Variants in NPAS3 observed in about 807,000 individuals in gnomAD.
The protein encoded by NPAS3 is neuronal PAS domain-containing protein 3.
NPAS3 carries 14 observed loss-of-function variants against 73.1 expected under a neutral mutation model. The ratio of observed to expected loss-of-function variants is 0.19; its 90% CI spans 0.13 to 0.30. The LOEUF is 0.30. Ranked by LOEUF, NPAS3 falls within the 10% of genes least tolerant of loss-of-function variation. The pLI is 1.00. For synonymous variants in NPAS3, 620 were observed against 541.5 expected, an observed-to-expected ratio of 1.14 and a Z score of -2.01; for missense variants, 1,096 against 1,250.0, an observed-to-expected ratio of 0.88 and a Z score of 1.86.
intron 4 of NPAS3, among the ~76,000 whole-genome samples, chr14:33,481,004 C>T (rs2051300624): frequency 6.6e-6 from 1 of 151,946 alleles, no homozygotes; most frequent in African/African-American, 2.4e-5. Flanking sequence ...CTCATGCGTC[C>T]CCGTTTATCA....
chr14:33,116,961 GT>G (rs2043084863), intron 2 of NPAS3, among the ~76,000 whole-genome samples: 1 of 152,028 alleles, frequency 6.6e-6, no homozygotes, highest in Non-Finnish European at 1.5e-5. Flanking sequence ...TTTTTAGAAG[GT>G]TTTAATAGGC....
At chr14:33,537,495 A>G (rs1239699142) in intron 4 of NPAS3, among the ~76,000 whole-genome samples, 2 of 152,186 alleles carry the variant, frequency 1.3e-5, no homozygotes, top group Non-Finnish European at 2.9e-5. Flanking sequence ...TCATAGATTA[A>G]TGGACGTTAA....
At chr14:33,403,537 A>G (rs996064314) in intron 4 of NPAS3, among the ~76,000 whole-genome samples, 3 of 152,120 alleles carry the variant, frequency 2.0e-5, no homozygotes, top group African/African-American at 7.2e-5. Flanking sequence ...AGCTTTACCT[A>G]AAGCCACATA....
intron 1 of NPAS3, among the ~76,000 whole-genome samples, chr14:32,994,578 TAA>T (rs531429504): frequency 1.7e-4 from 24 of 144,296 alleles, no homozygotes; most frequent in Non-Finnish European, 3.0e-5. Context: ...GAACTTAAAT[TAA>T]AAAAAAAAAT....
At chr14:33,704,295 CTT>C (rs2060600886) in intron 6 of NPAS3, among the ~76,000 whole-genome samples, 1 of 152,238 alleles carries the variant, frequency 6.6e-6, no homozygotes, top group African/African-American at 2.4e-5. Flanking sequence ...CTGCAGATTA[CTT>C]TTTTAAGTTC....
In NPAS3 at chr14:33,293,353, T is replaced by C. The variant is rs577968627; in HGVS notation, c.386-73833T>C. Among the ~76,000 whole-genome samples, 6 of 152,332 alleles carry C rather than the reference T, an allele frequency of 3.9e-5. No individual in the cohort carries two copies. The East Asian group carries it at 1.2e-3, about 29-fold the overall frequency. ...GTAGAGGTGTAAGATCCATACCTTC[T>C]CTGCCCTGCCCCTTTTCTCAATAAA... On this transcript the variant is annotated intron_variant, in intron 3 of 11. Coordinates refer to ENST00000356141, the Ensembl canonical transcript of NPAS3.
chr14:32,973,676 C>T (rs2037533411), intron 1 of NPAS3, among the ~76,000 whole-genome samples: 1 of 151,802 alleles, frequency 6.6e-6, no homozygotes, highest in Non-Finnish European at 1.5e-5. Context: ...GCTGGGATTA[C>T]AGGTGCATGC....
At chr14:33,248,173 A>G (rs1367068705) in intron 3 of NPAS3, among the ~76,000 whole-genome samples, 6 of 152,244 alleles carry the variant, frequency 3.9e-5, no homozygotes, top group African/African-American at 1.4e-4. Context: ...TATGAGAATC[A>G]TAACAGATAA....
intron 3 of NPAS3, among the ~76,000 whole-genome samples, chr14:33,285,829 G>T (rs773922029): frequency 6.6e-6 from 1 of 152,112 alleles, no homozygotes; most frequent in Non-Finnish European, 1.5e-5. Flanking sequence ...TTTTTAAGGA[G>T]TCCAAATAGA....
intron 3 of NPAS3, among the ~76,000 whole-genome samples, chr14:33,281,013 G>GTT (rs2041580101): frequency 6.6e-6 from 1 of 152,152 alleles, no homozygotes; most frequent in African/African-American, 2.4e-5. Flanking sequence ...ATTGACTTTT[G>GTT]TCTGTAACTG....
chr14:33,090,472 G>T (rs2042186718), intron 2 of NPAS3, among the ~76,000 whole-genome samples: 1 of 152,134 alleles, frequency 6.6e-6, no homozygotes, highest in African/African-American at 2.4e-5. Flanking sequence ...TATGCACCCA[G>T]TACAGGAGAA....
At chr14:33,361,380 A>T (rs1212598535) in intron 3 of NPAS3, among the ~76,000 whole-genome samples, 1 of 152,222 alleles carries the variant, frequency 6.6e-6, no homozygotes, top group Non-Finnish European at 1.5e-5. Context: ...ATTCTCAAGA[A>T]GCCGAGAAGT....
At position 33,170,414 on chromosome 14, in the gene NPAS3, C is replaced by A. The variant is rs139867290; in HGVS notation, c.141-44768C>A. Among the ~76,000 whole-genome samples the A allele has an allele frequency of 2.6e-3, 403 of 152,226 alleles. 4 individuals carry two copies. Among genetic ancestry groups the A allele is most frequent in the African/African-American group, 9.1e-3 (379 of 41,552 alleles). On this transcript the variant is annotated intron_variant, in intron 2 of 11. Transcript: ENST00000356141. ...TTCATGTTGGTGGCTGCTGGCTGAT[C>A]ATGTGGTGGTTGCTGAAGTTTGGGG... is the stretch of plus-strand genomic sequence containing the variant.
chr14:33,550,907 T>A (rs1053980183), intron 4 of NPAS3, among the ~76,000 whole-genome samples: 2 of 152,212 alleles, frequency 1.3e-5, no homozygotes, highest in Non-Finnish European at 1.5e-5. Flanking sequence ...TCACAAAAAA[T>A]TTTAAAAACA....
intron 5 of NPAS3, among the ~76,000 whole-genome samples, chr14:33,665,536 AG>A (rs1362911821): frequency 6.6e-6 from 1 of 152,148 alleles, no homozygotes; most frequent in Non-Finnish European, 1.5e-5. Context: ...TGTAACTCAA[AG>A]GATAAATGCT....
chr14:33,735,412 A>T (rs926042733), intron 7 of NPAS3, 80 bp downstream of exon 7: 25 of 962,968 alleles, frequency 2.6e-5, no homozygotes, highest in Non-Finnish European at 3.4e-5. Flanking sequence ...CAGCTGCTTT[A>T]GGTCCATATA....
chr14:33,002,010 A>T (rs1167438676), intron 1 of NPAS3, among the ~76,000 whole-genome samples: 1 of 152,214 alleles, frequency 6.6e-6, no homozygotes, highest in Non-Finnish European at 1.5e-5. Context: ...ACCCTGGAGA[A>T]TGTATTATTT....
chr14:33,361,772 T>G (rs1305501939), intron 3 of NPAS3, among the ~76,000 whole-genome samples: 1 of 152,218 alleles, frequency 6.6e-6, no homozygotes, highest in African/African-American at 2.4e-5. Context: ...TTTTTGTTTT[T>G]AAAAATCCCC....
At chr14:33,223,991 A>G (rs1015407586) in intron 3 of NPAS3, among the ~76,000 whole-genome samples, 1 of 152,200 alleles carries the variant, frequency 6.6e-6, no homozygotes, top group Admixed American at 6.6e-5. Flanking sequence ...AGCACTTCAT[A>G]TACTTTTTCT....
Sources: gnomAD v4.1 joint callset for allele counts (sites outside exome capture counted in the v4.1 genomes callset) on GRCh38, gnomAD v4.1.1 for gene constraint, MANE v1.5 for transcripts, NCBI Gene and HGNC (gene_info 2026-07-23, HGNC 2026-07-21) for gene names.